Variants in PTPRG observed in about 807,000 individuals in gnomAD.
PTPRG encodes the protein protein tyrosine phosphatase receptor type G.
Under a neutral mutation model 165.3 loss-of-function variants are expected in PTPRG, and 102 were observed. That is an observed-to-expected ratio of 0.62 (90% CI 0.53 to 0.73). PTPRG has a LOEUF of 0.73. PTPRG is among the 30% of genes least tolerant of loss of function. The pLI, the probability that PTPRG is intolerant of heterozygous loss-of-function variation, is 0.00. For synonymous variants in PTPRG, 675 were observed against 669.5 expected, an observed-to-expected ratio of 1.01 and a Z score of -0.13; for missense variants, 1,866 against 1,861.4, an observed-to-expected ratio of 1.00 and a Z score of -0.05.
chr3:61,853,892 T>G (rs2107374313), intron 2 of PTPRG, among the ~76,000 whole-genome samples: 1 of 152,354 alleles, frequency 6.6e-6, no homozygotes, highest in African/African-American at 2.4e-5. Flanking sequence ...ATTTAGGTTG[T>G]TAAGATTGCT....
At chr3:62,041,750 G>T (rs1700137784) in intron 4 of PTPRG, among the ~76,000 whole-genome samples, 1 of 151,988 alleles carries the variant, frequency 6.6e-6, no homozygotes, top group Admixed American at 6.6e-5. Context: ...AATGATCATT[G>T]TGATGGTGGT....
chr3:62,259,600 C>T lies in PTPRG; in HGVS notation c.2560-3198C>T, dbSNP rs530001579. On this transcript the variant is annotated intron_variant, in intron 16 of 29. Coordinates refer to ENST00000474889, the MANE Select transcript of PTPRG (RefSeq NM_002841.4). ...ATATCTTAAGAAAAACGTTTTTAAA[C>T]GGTTATGAGGTAAATCACAGTTTTT... Among the ~76,000 whole-genome samples the T allele has an allele frequency of 3.6e-4, 54 of 152,086 alleles. No individual in the cohort carries two copies. The South Asian group carries it at 0.01, about 29-fold the overall frequency.
At chr3:61,918,740 G>C (rs895565049) in intron 2 of PTPRG, among the ~76,000 whole-genome samples, 3 of 152,114 alleles carry the variant, frequency 2.0e-5, no homozygotes, top group Non-Finnish European at 4.4e-5. Flanking sequence ...AGCGGTGATG[G>C]GAAATGCCCT....
chr3:61,797,237 A>C (rs2035076654), intron 2 of PTPRG, among the ~76,000 whole-genome samples: 1 of 152,194 alleles, frequency 6.6e-6, no homozygotes, highest in Non-Finnish European at 1.5e-5. Flanking sequence ...ACTGATGCAG[A>C]AATTTCTTCT....
chr3:61,688,076 C>G (rs1302771629), intron 1 of PTPRG, among the ~76,000 whole-genome samples: 26 of 152,200 alleles, frequency 1.7e-4, no homozygotes, highest in Admixed American at 1.7e-3. Flanking sequence ...CTGAGTGTGG[C>G]TGACATCACT....
chr3:61,677,829 A>G (rs1485218328), intron 1 of PTPRG, among the ~76,000 whole-genome samples: 4 of 152,190 alleles, frequency 2.6e-5, no homozygotes, highest in African/African-American at 9.7e-5. Context: ...CACCTAGACC[A>G]TAAGTCAGTT....
At chr3:61,699,498 A>G (rs921265500) in intron 1 of PTPRG, among the ~76,000 whole-genome samples, 13 of 152,202 alleles carry the variant, frequency 8.5e-5, no homozygotes, top group African/African-American at 2.2e-4. Flanking sequence ...ATTAAGGGAA[A>G]TTAAGTATTA....
intron 2 of PTPRG, among the ~76,000 whole-genome samples, chr3:61,964,112 CAT>C (rs1274413607): frequency 4.6e-5 from 7 of 152,150 alleles, no homozygotes; most frequent in African/African-American, 1.2e-4. Context: ...AGAATTGTCT[CAT>C]GTGGAATTTG....
intron 8 of PTPRG, among the ~76,000 whole-genome samples, chr3:62,174,519 A>G (rs1705340861): frequency 6.6e-6 from 1 of 152,174 alleles, no homozygotes; most frequent in African/African-American, 2.4e-5. Context: ...GGTTAAAAGC[A>G]CTTTTAAAGG....
At chr3:61,602,029 C>T (rs1217843248) in intron 1 of PTPRG, among the ~76,000 whole-genome samples, 1 of 152,186 alleles carries the variant, frequency 6.6e-6, no homozygotes, top group African/African-American at 2.4e-5. Context: ...GATTAGGAAA[C>T]AGTGGTGGAA....
chr3:62,007,808 A>T (rs1260597228), intron 4 of PTPRG, among the ~76,000 whole-genome samples: 4 of 152,224 alleles, frequency 2.6e-5, no homozygotes, highest in African/African-American at 4.8e-5. Context: ...TCCTAGTAGA[A>T]TAAGGATATG....
chr3:61,631,699 T>C (rs1701779087), intron 1 of PTPRG, among the ~76,000 whole-genome samples: 1 of 152,206 alleles, frequency 6.6e-6, no homozygotes, highest in South Asian at 2.1e-4. Context: ...TCAAAAGTAG[T>C]TTAAATACTA....
intron 6 of PTPRG, among the ~76,000 whole-genome samples, chr3:62,139,950 A>C (rs1436500273): frequency 2.6e-5 from 4 of 152,260 alleles, no homozygotes; most frequent in Non-Finnish European, 4.4e-5. Context: ...GGAGAAAGCT[A>C]TCTGAGAAAC....
intron 2 of PTPRG, among the ~76,000 whole-genome samples, chr3:61,752,126 C>T (rs1021654146): frequency 6.6e-6 from 1 of 152,068 alleles, no homozygotes; most frequent in African/African-American, 2.4e-5. Flanking sequence ...GCACAAGTGT[C>T]GCGATTGACA....
Position 62,295,819 on chromosome 3 carries a change from C to A in PTPRG, c.*2512C>A, listed in dbSNP as rs1374227988. ...TCACCCCTGCAAGAGACAGCATATCCTCACTATTATTATTCATGTGTTATT... is the reference window on the plus strand; with the variant it reads ...TCACCCCTGCAAGAGACAGCATATCATCACTATTATTATTCATGTGTTATT... On this transcript the variant is annotated 3_prime_UTR_variant, in exon 30 of 30. Coordinates refer to ENST00000474889, the MANE Select transcript of PTPRG (RefSeq NM_002841.4). 2 of 152,084 alleles carry A rather than the reference C, an allele frequency of 1.3e-5. No homozygotes were observed. The highest frequency in any genetic ancestry group is 2.9e-5 in the Non-Finnish European group (2 of 67,988). The allele number at this position is 152,084 out of a possible 1,614,324, so 9.4% of individuals were successfully genotyped here.
At position 61,684,208 on chromosome 3, in the gene PTPRG, T is replaced by G. The variant is rs17065196; in HGVS notation, c.86-64670T>G. ...TAAGGTGGTCACAACTTGTCCTGTT[T>G]CCCCTATGGGAGTGTATATGCTGGT... On this transcript the variant is annotated intron_variant, in intron 1 of 29. Coordinates refer to ENST00000474889, the MANE Select transcript of PTPRG (RefSeq NM_002841.4). 7.3e-3 allele frequency among the ~76,000 whole-genome samples: 1,108 copies of G among 152,286 alleles called. 7 individuals carry two copies. Among genetic ancestry groups the G allele is most frequent in the East Asian group, 0.014 (70 of 5,172 alleles).
At chr3:62,088,336 A>G (rs896855642) in intron 5 of PTPRG, among the ~76,000 whole-genome samples, 2 of 152,204 alleles carry the variant, frequency 1.3e-5, no homozygotes, top group Admixed American at 1.3e-4. Flanking sequence ...AAGTGACTGA[A>G]GATATCAGAA....
Position 62,231,258 on chromosome 3 carries a change from C to T in PTPRG, c.2322C>T (p.Pro774=). 1 of 1,592,254 alleles carries T rather than the reference C, an allele frequency of 6.3e-7. No homozygotes were observed. Among genetic ancestry groups the T allele is most frequent in the Non-Finnish European group, 8.6e-7 (1 of 1,168,976 alleles). The change falls in exon 14 of 30, where the codon CCC becomes CCT. Residue 774 remains proline, a synonymous_variant. Coordinates refer to ENST00000474889, the MANE Select transcript of PTPRG (RefSeq NM_002841.4). ...GCNKIKSKGF[P]RRFREVPSSG... ...ACAAAATAAAGTCCAAGGGCTTTCC[C>T]AGACGTTTCCGTGAAGTGCCTTCTT...
chr3:62,152,212 T>C (rs1704362075), intron 6 of PTPRG, among the ~76,000 whole-genome samples: 1 of 151,852 alleles, frequency 6.6e-6, no homozygotes, highest in Non-Finnish European at 1.5e-5. Context: ...CTAATTTTTT[T>C]TTTTTTTTAA....
Sources: gnomAD v4.1 joint callset for allele counts (sites outside exome capture counted in the v4.1 genomes callset) on GRCh38, gnomAD v4.1.1 for gene constraint, MANE v1.5 for transcripts, NCBI Gene and HGNC (gene_info 2026-07-23, HGNC 2026-07-21) for gene names.